Variants in TMTC2 observed in about 807,000 individuals in gnomAD.
TMTC2 encodes transmembrane O-mannosyltransferase targeting cadherins 2.
TMTC2 carries 43 observed loss-of-function variants against 82.4 expected under a neutral mutation model. That is an observed-to-expected ratio of 0.52 (90% CI 0.41 to 0.67). The LOEUF is 0.67. Ranked by LOEUF, TMTC2 falls within the 30% of genes least tolerant of loss-of-function variation. TMTC2 has a pLI of 0.00. For missense variants in TMTC2, 919 were observed against 1,012.4 expected, an observed-to-expected ratio of 0.91 and a Z score of 1.25; for synonymous variants, 408 against 381.9, an observed-to-expected ratio of 1.07 and a Z score of -0.80.
intron 1 of TMTC2, among the ~76,000 whole-genome samples, chr12:82,783,984 G>C (rs1313735301): frequency 6.6e-6 from 1 of 151,978 alleles, no homozygotes; most frequent in Non-Finnish European, 1.5e-5. Context: ...TGGAGTACAT[G>C]GATGATGAGA....
At position 82,687,498 on chromosome 12, in the gene TMTC2, C is replaced by T; in HGVS notation, c.-89C>T. On this transcript the variant is annotated 5_prime_UTR_variant, in exon 1 of 12. Coordinates refer to ENST00000321196, the MANE Select transcript of TMTC2 (RefSeq NM_152588.3). ...GAAAAGTGAAGCTGGGAGGAGAAGG[C>T]GGCGGAAGGTGGAGATTGATGCTTC... is the stretch of plus-strand genomic sequence containing the variant. 2.4e-6 allele frequency: 3 copies of T among 1,265,392 alleles called. No homozygotes were observed. The highest frequency in any genetic ancestry group is 2.5e-5 in the East Asian group (1 of 40,028). 78.4% of individuals were successfully genotyped at this position (1,265,392 alleles called of 1,614,324 possible). A position where few individuals can be genotyped will look rare whatever the true frequency, so the allele number is the denominator to read the frequency against.
chr12:82,835,651 G>A (rs1869994369), intron 1 of TMTC2, among the ~76,000 whole-genome samples: 1 of 152,114 alleles, frequency 6.6e-6, no homozygotes, highest in South Asian at 2.1e-4. Flanking sequence ...TTTGCAATCT[G>A]ATTTTTATTT....
rs143764076 is a variant in TMTC2 at position 82,895,964 on chromosome 12, C to A, written c.801C>A (p.Leu267=). The change falls in exon 3 of 12, where the codon CTC becomes CTA. Residue 267 remains leucine (L), a synonymous_variant. Transcript: ENST00000321196. ...CCGCTGCTGATTCGGACAGCCTCCT[C>A]ACCCGCACTCTCACCTTCTTCTACT... is the stretch of plus-strand genomic sequence containing the variant. ...DNPAADSDSL[L]TRTLTFFYLP... is the part of the protein sequence containing the mutation. 24 of 1,613,822 alleles carry A rather than the reference C, an allele frequency of 1.5e-5. No individual in the cohort carries two copies. Among genetic ancestry groups the A allele is most frequent in the Non-Finnish European group, 2.0e-5 (24 of 1,180,026 alleles).
chr12:83,075,637 T>G (rs1342455715), intron 11 of TMTC2, among the ~76,000 whole-genome samples: 1 of 152,212 alleles, frequency 6.6e-6, no homozygotes, highest in East Asian at 1.9e-4. Context: ...ATAGATAGGC[T>G]TCATCACATT....
Position 82,896,532 on chromosome 12 carries a change from T to C in TMTC2, c.1369T>C (p.Tyr457His). The change falls in exon 3 of 12, where the codon TAT becomes CAT. Residue 457 changes from tyrosine to histidine, a missense_variant. Tyr to His is a moderately conservative substitution (Grantham distance 83). Coordinates refer to ENST00000321196, the MANE Select transcript of TMTC2 (RefSeq NM_152588.3). ...QKRFLKSLIF[Y>H]ATATLIVFYG... ...GCGGTTCCTCAAGAGCTTGATTTTT[T>C]ATGCTACAGCTACACTAATTGTTTT... 1 of 1,614,222 alleles carries C rather than the reference T, an allele frequency of 6.2e-7. No homozygotes were observed. The highest frequency in any genetic ancestry group is 1.3e-5 in the African/African-American group (1 of 75,066).
At chr12:83,088,777 G>T (rs930999703) in intron 11 of TMTC2, among the ~76,000 whole-genome samples, 1 of 152,136 alleles carries the variant, frequency 6.6e-6, no homozygotes, top group African/African-American at 2.4e-5. Flanking sequence ...ATTTGAAATG[G>T]CAAGACTTCT....
intron 11 of TMTC2, among the ~76,000 whole-genome samples, chr12:83,127,143 C>T (rs1885122026): frequency 6.6e-6 from 1 of 152,054 alleles, no homozygotes; most frequent in African/African-American, 2.4e-5. Flanking sequence ...AAATTATATT[C>T]ATAAGGACAG....
chr12:83,047,337 A>G (rs919904762), intron 9 of TMTC2, among the ~76,000 whole-genome samples: 1 of 152,238 alleles, frequency 6.6e-6, no homozygotes. Context: ...GAAGAAACCT[A>G]CTATTCTTTG....
At chr12:82,917,027 G>GA (rs1310660915) in intron 3 of TMTC2, among the ~76,000 whole-genome samples, 2 of 151,914 alleles carry the variant, frequency 1.3e-5, no homozygotes, top group African/African-American at 4.8e-5. Flanking sequence ...AATTTCTTCA[G>GA]AAAAAATAAA....
chr12:82,868,752 A>T (rs1000889300), intron 2 of TMTC2, among the ~76,000 whole-genome samples: 4 of 141,974 alleles, frequency 2.8e-5, no homozygotes, highest in Admixed American at 2.2e-4. Context: ...TCTAAAGGTT[A>T]TTCTTCCCCA....
chr12:82,996,654 A>G (rs947407060), intron 8 of TMTC2, among the ~76,000 whole-genome samples: 1 of 152,210 alleles, frequency 6.6e-6, no homozygotes, highest in African/African-American at 2.4e-5. Flanking sequence ...GCTGTATGGC[A>G]TAGAGTTTAC....
chr12:83,033,385 G>C (rs1384350837), intron 9 of TMTC2, among the ~76,000 whole-genome samples: 1 of 152,214 alleles, frequency 6.6e-6, no homozygotes, highest in East Asian at 1.9e-4. Context: ...CTAGAGAAAT[G>C]AAGTTGACTT....
intron 1 of TMTC2, among the ~76,000 whole-genome samples, chr12:82,749,995 C>T (rs1032060651): frequency 4.6e-5 from 7 of 152,112 alleles, no homozygotes; most frequent in Admixed American, 2.0e-4. Flanking sequence ...GCCTCGGCCA[C>T]CCAAAGTGCT....
chr12:82,769,019 ACT>A (rs1200463192), intron 1 of TMTC2, among the ~76,000 whole-genome samples: 1 of 151,426 alleles, frequency 6.6e-6, no homozygotes, highest in Non-Finnish European at 1.5e-5. Flanking sequence ...CAAAACACAC[ACT>A]GTCTGCAGGC....
chr12:82,801,002 A>G (rs1592532141), intron 1 of TMTC2, among the ~76,000 whole-genome samples: 1 of 152,288 alleles, frequency 6.6e-6, no homozygotes, highest in East Asian at 1.9e-4. Context: ...TTGTTTCTCA[A>G]CAGTATTTAT....
intron 4 of TMTC2, among the ~76,000 whole-genome samples, chr12:82,960,518 G>C (rs71450914): frequency 0.079 from 12,033 of 152,080 alleles, 647 homozygotes; most frequent in Non-Finnish European, 0.12. Flanking sequence ...GGAGATTAAT[G>C]CAGGAACAGA....
intron 1 of TMTC2, among the ~76,000 whole-genome samples, chr12:82,805,627 C>T (rs1014654755): frequency 2.0e-5 from 3 of 151,104 alleles, no homozygotes; most frequent in African/African-American, 7.3e-5. Context: ...CCTGCCTCAG[C>T]CTCCCTAGTA....
At chr12:83,067,762 G>A (rs1882970700) in intron 11 of TMTC2, among the ~76,000 whole-genome samples, 1 of 151,846 alleles carries the variant, frequency 6.6e-6, no homozygotes, top group South Asian at 2.1e-4. Flanking sequence ...TTTTTTTGGT[G>A]ATCACTGGTA....
At chr12:82,974,134 T>C (rs1878565099) in intron 7 of TMTC2, among the ~76,000 whole-genome samples, 1 of 152,126 alleles carries the variant, frequency 6.6e-6, no homozygotes, top group Admixed American at 6.5e-5. Context: ...CATGGGAGGC[T>C]GAGGTGAGAG....
Sources: gnomAD v4.1 joint callset for allele counts (sites outside exome capture counted in the v4.1 genomes callset) on GRCh38, gnomAD v4.1.1 for gene constraint, MANE v1.5 for transcripts, NCBI Gene and HGNC (gene_info 2026-07-23, HGNC 2026-07-21) for gene names.